The following SPTA1 variants were observed in gnomAD, a reference collection of about 807,000 sequenced individuals.
The protein encoded by SPTA1 is spectrin alpha chain, erythrocytic 1.
SPTA1 carries 177 observed loss-of-function variants against 324.7 expected under a neutral mutation model. That is an observed-to-expected ratio of 0.55 (90% CI 0.48 to 0.62). The LOEUF (loss-of-function observed/expected upper bound fraction) is 0.62. SPTA1 is among the 20% of genes least tolerant of loss of function. The probability of loss-of-function intolerance (pLI) is 0.00; values close to 1 mark genes in which losing one functional copy is unlikely to be tolerated. For missense variants in SPTA1, 3,162 were observed against 2,883.6 expected, an observed-to-expected ratio of 1.10 and a Z score of -2.21; for synonymous variants, 1,195 against 1,041.3, an observed-to-expected ratio of 1.15 and a Z score of -2.84.
chr1:158,661,464 A>G (rs1653210332), intron 17 of SPTA1, 55 bp from the exon 18 acceptor site: 1 of 1,612,016 alleles, frequency 6.2e-7, no homozygotes, highest in Non-Finnish European at 8.5e-7. Context: ...TGGAAGTAGC[A>G]TACCTCACTT....
At chr1:158,685,440 C>T in intron 1 of SPTA1, 93 bp from the exon 2 acceptor site, 2 of 1,555,440 alleles carry the variant, frequency 1.3e-6, no homozygotes, top group African/African-American at 1.4e-5. Context: ...TCATGTTGGA[C>T]CTATATTCAG....
chr1:158,686,642 G>GAA lies in SPTA1; in HGVS notation c.-127_-126dup, dbSNP rs34783066. 0.034 allele frequency: 18,362 copies of GAA among 546,774 alleles called. 24 individuals carry two copies. Among genetic ancestry groups the GAA allele is most frequent in the Non-Finnish European group, 0.041 (12,563 of 304,450 alleles). The allele number at this position is 546,774 out of a possible 1,614,324, so 33.9% of individuals were successfully genotyped here. ...ATATAGAAACGTTAAGTATGTGGGG[G>GAA]AAAAAAAAAAACCTCTTGCTTGGTC... On this transcript the variant is annotated 5_prime_UTR_variant, in exon 1 of 52. The change abolishes the stop of an existing upstream ORF in the 5' untranslated region. Coordinates refer to ENST00000643759, the MANE Select transcript of SPTA1 (RefSeq NM_003126.4).
intron 3 of SPTA1, 68 bp from the exon 4 acceptor site, chr1:158,681,735 T>C (rs12752826): frequency 6.2e-7 from 1 of 1,604,116 alleles, no homozygotes; most frequent in South Asian, 1.1e-5. Flanking sequence ...CAGAGACTTG[T>C]GCAGAAAGAG....
chr1:158,662,648 A>G (rs200605750), intron 17 of SPTA1, 54 bp downstream of exon 17: 144 of 1,611,710 alleles, frequency 8.9e-5, no homozygotes, highest in Middle Eastern at 2.1e-4. Context: ...ATCTCTCTCA[A>G]TATATAGACC....
rs857689 is a variant in SPTA1, at chr1:158,650,032, A to T, written c.3478-85T>A. 3 of 932,712 alleles carry T rather than the reference A, an allele frequency of 3.2e-6. No individual in the cohort carries two copies. The African/African-American group carries it at 4.9e-5, about 15-fold the overall frequency. The allele number at this position is 932,712 out of a possible 1,614,324, so 57.8% of individuals were successfully genotyped here. A position where few individuals can be genotyped will look rare whatever the true frequency, so the allele number is the denominator to read the frequency against. On this transcript the variant is annotated intron_variant, in intron 24 of 51. Coordinates refer to ENST00000643759, the MANE Select transcript of SPTA1 (RefSeq NM_003126.4). ...GTCTGAAGACCAGACAAGATTTAAA[A>T]CATAGTTGTTTTTACGTTATTTTCT...
intron 51 of SPTA1, 46 bp from the exon 52 acceptor site, chr1:158,611,435 T>C (rs769959795): frequency 5.6e-6 from 9 of 1,610,518 alleles, no homozygotes; most frequent in Non-Finnish European, 7.6e-6. Flanking sequence ...GGATTCAAAA[T>C]AGCTGGTTCC....
In SPTA1 at chr1:158,655,016, A is replaced by C. The variant is rs529173104; in HGVS notation, c.2899-268T>G. Among the ~76,000 whole-genome samples the C allele has an allele frequency of 1.5e-3, 231 of 152,328 alleles. 1 individual carries two copies. Among genetic ancestry groups the C allele is most frequent in the Middle Eastern group, 6.8e-3 (2 of 294 alleles). On this transcript the variant is annotated intron_variant, in intron 20 of 51. Transcript: ENST00000643759. Reference sequence around the variant, plus strand: ...AGAAACGTATTAAATGCTCTAAGCCATCAGTTCTTAAAATGGGAGGAGTAC... The same window carrying C: ...AGAAACGTATTAAATGCTCTAAGCCCTCAGTTCTTAAAATGGGAGGAGTAC...
Position 158,662,753 on chromosome 1 carries a change from C to T in SPTA1, c.2413G>A (p.Glu805Lys), listed in dbSNP as rs1032959692. 60 of 1,613,950 alleles carry T rather than the reference C, an allele frequency of 3.7e-5. No individual in the cohort carries two copies. Among genetic ancestry groups the T allele is most frequent in the African/African-American group, 5.3e-5 (4 of 74,906 alleles). The change falls in exon 17 of 52, where the codon GAG (glutamate) becomes AAG (lysine). Residue 805 changes from glutamate (E) to lysine (K), a missense_variant. By Grantham distance (56) the Glu-to-Lys change is moderately conservative. Transcript: ENST00000643759. Reference protein sequence around the residue: ...LQLICRDTEDEEAWIQETEPS... With the variant: ...LQLICRDTEDKEAWIQETEPS... ...TCAGTCTCTTGGATCCAGGCCTCCT[C>T]ATCCTCTGTGTCTCTACAAATCAGC...
In SPTA1 at chr1:158,680,471, C is replaced by T. The variant is rs529063696; in HGVS notation, c.678+112G>A. On this transcript the variant is annotated intron_variant, in intron 5 of 51. Coordinates refer to ENST00000643759, the MANE Select transcript of SPTA1 (RefSeq NM_003126.4). ...TATGTTACTCCAGGAACATGCCAAC[C>T]TCTGTTTTCTCACAATGCCCCATCT... is the stretch of plus-strand genomic sequence containing the variant. 7.4e-4 allele frequency: 1,099 copies of T among 1,484,782 alleles called. 1 individual carries two copies. The highest frequency in any genetic ancestry group is 1.0e-3 in the Non-Finnish European group (1,074 of 1,073,128). 92.0% of individuals were successfully genotyped at this position (1,484,782 alleles called of 1,614,324 possible).
At chr1:158,644,189 G>A (rs1651823493) in intron 30 of SPTA1, 64 bp downstream of exon 30, 4 of 1,575,552 alleles carry the variant, frequency 2.5e-6, no homozygotes, top group Non-Finnish European at 2.6e-6. Context: ...CCAGACAAAT[G>A]TGTAGGATTT....
chr1:158,685,395 C>A, intron 1 of SPTA1, 48 bp from the exon 2 acceptor site: 1 of 1,605,676 alleles, frequency 6.2e-7, no homozygotes, highest in East Asian at 2.2e-5. Flanking sequence ...AAATATTTAA[C>A]ATGTTGCCCC....
At chr1:158,673,731 G>A (rs997501677) in intron 10 of SPTA1, among the ~76,000 whole-genome samples, 7 of 152,146 alleles carry the variant, frequency 4.6e-5, no homozygotes, top group Admixed American at 6.6e-5. Context: ...ACGTCAGGAG[G>A]CAAAATGGAA....
chr1:158,666,062 A>G lies in SPTA1; in HGVS notation c.2220+254T>C, dbSNP rs857680. ...TAGATTGGAGGAGATTTTGGGAAAAAGCAGTTGGTTTACTAAAAATTTCGA... is the reference window on the plus strand; with the variant it reads ...TAGATTGGAGGAGATTTTGGGAAAAGGCAGTTGGTTTACTAAAAATTTCGA... On this transcript the variant is annotated intron_variant, in intron 16 of 51. Coordinates refer to ENST00000643759, the MANE Select transcript of SPTA1 (RefSeq NM_003126.4). 0.64 allele frequency among the ~76,000 whole-genome samples: 97,381 copies of G among 151,808 alleles called. 32,538 individuals carry two copies. Among genetic ancestry groups the G allele is most frequent in the African/African-American group, 0.85 (35,078 of 41,426 alleles).
intron 15 of SPTA1, among the ~76,000 whole-genome samples, chr1:158,667,051 G>T (rs1557977428): frequency 6.6e-6 from 1 of 151,970 alleles, no homozygotes; most frequent in African/African-American, 2.4e-5. Context: ...GCAATTATTT[G>T]CATTATTTCT....
At chr1:158,615,740 T>C (rs1456009778) in intron 47 of SPTA1, among the ~76,000 whole-genome samples, 1 of 152,142 alleles carries the variant, frequency 6.6e-6, no homozygotes, top group Non-Finnish European at 1.5e-5. Flanking sequence ...TCATCTGTCA[T>C]CTATCAAGAG....
At chr1:158,647,288 T>A (rs1438431102) in intron 27 of SPTA1, among the ~76,000 whole-genome samples, 5 of 152,208 alleles carry the variant, frequency 3.3e-5, no homozygotes, top group Non-Finnish European at 7.3e-5. Flanking sequence ...AATACTACTG[T>A]CTCTTCAGTA....
At chr1:158,642,247 C>T (rs976524587) in intron 33 of SPTA1, among the ~76,000 whole-genome samples, 164 bp downstream of exon 33, 17 of 151,820 alleles carry the variant, frequency 1.1e-4, no homozygotes, top group Non-Finnish European at 4.4e-5. Context: ...CAACATGGCA[C>T]ATGTATACAT....
In SPTA1 at chr1:158,632,431, T is replaced by A. The variant is rs144104353; in HGVS notation, c.5565+2112A>T. 8.5e-5 allele frequency among the ~76,000 whole-genome samples: 13 copies of A among 152,298 alleles called. No homozygotes were observed. In the East Asian group the frequency reaches 2.3e-3, roughly 27 times the overall value. On this transcript the variant is annotated intron_variant, in intron 39 of 51. Transcript: ENST00000643759. ...CGTATAAATGTATTAAGAGAGTAGA[T>A]CTCATGTTCAGTGTTTTTGTCACAA...
Position 158,635,993 on chromosome 1 carries a change from A to T in SPTA1, c.5352T>A (p.Ala1784=). 1 of 1,614,180 alleles carries T rather than the reference A, an allele frequency of 6.2e-7. No individual in the cohort carries two copies. Among genetic ancestry groups the T allele is most frequent in the Non-Finnish European group, 8.5e-7 (1 of 1,180,022 alleles). Residue 1784 remains alanine, a synonymous_variant, in exon 38 of 52, where the codon GCT becomes GCA. Transcript: ENST00000643759. ...GCAACTGGATCTCCTCTTGCCCCACAGCAGCCTTGTCTTTCAGCTTCTCTG... is the reference window on the plus strand; with the variant it reads ...GCAACTGGATCTCCTCTTGCCCCACTGCAGCCTTGTCTTTCAGCTTCTCTG... ...DMAEKLKDKA[A]VGQEEIQLRL...
Sources: gnomAD v4.1 joint callset for allele counts (sites outside exome capture counted in the v4.1 genomes callset) on GRCh38, gnomAD v4.1.1 for gene constraint, MANE v1.5 for transcripts, NCBI Gene and HGNC (gene_info 2026-07-23, HGNC 2026-07-21) for gene names.